KIAA1217: variants seen among roughly 807,000 people sequenced by gnomAD.
The protein encoded by KIAA1217 is sickle tail protein homolog.
A neutral mutation model predicts 163.9 loss-of-function variants in KIAA1217; 88 were observed. That is an observed-to-expected ratio of 0.54 (90% CI 0.45 to 0.64). KIAA1217 has a LOEUF of 0.64. Ranked by LOEUF, KIAA1217 falls within the 30% of genes least tolerant of loss-of-function variation. KIAA1217 has a pLI of 0.00. For missense variants in KIAA1217, 2,372 were observed against 2,475.0 expected (o/e 0.96, Z 0.88); for synonymous variants, 903 against 923.1 (o/e 0.98, Z 0.39).
chr10:24,340,677 C>T (rs2046981226), intron 2 of KIAA1217, among the ~76,000 whole-genome samples: 1 of 152,206 alleles, frequency 6.6e-6, no homozygotes, highest in Non-Finnish European at 1.5e-5. Flanking sequence ...TCCGCTGGCA[C>T]AAGCAGAGCA....
chr10:24,221,825 A>G (rs2069689634), intron 2 of KIAA1217, among the ~76,000 whole-genome samples: 1 of 152,192 alleles, frequency 6.6e-6, no homozygotes, highest in South Asian at 2.1e-4. Context: ...AGTTGAGGCC[A>G]GGAGCTTGAG....
intron 1 of KIAA1217, among the ~76,000 whole-genome samples, chr10:23,970,134 C>A (rs1456068722): frequency 6.6e-6 from 1 of 152,156 alleles, no homozygotes; most frequent in African/African-American, 2.4e-5. Flanking sequence ...GGGACACAGC[C>A]AAACCATATC....
At chr10:24,540,297 A>G (rs2074827024) in intron 17 of KIAA1217, among the ~76,000 whole-genome samples, 1 of 152,108 alleles carries the variant, frequency 6.6e-6, no homozygotes, top group Non-Finnish European at 1.5e-5. Context: ...GCAGTGGTGC[A>G]ATCTCAACTC....
At chr10:24,449,837 A>G (rs999097703) in intron 5 of KIAA1217, 3 of 771,442 alleles carry the variant, frequency 3.9e-6, no homozygotes, top group Non-Finnish European at 4.7e-6. Flanking sequence ...TTTATCTTTC[A>G]TTAACTTGTC....
chr10:24,163,237 T>C (rs2065198328), intron 2 of KIAA1217, among the ~76,000 whole-genome samples: 1 of 152,202 alleles, frequency 6.6e-6, no homozygotes. Flanking sequence ...ACTAGTAGAC[T>C]GCTAGTAAAG....
At chr10:24,484,241 A>ATATATATATTTTTTTTTTTTTTTTTTT (rs1376083298) in intron 6 of KIAA1217, among the ~76,000 whole-genome samples, 1 of 75,156 alleles carries the variant, frequency 1.3e-5, no homozygotes, top group African/African-American at 4.9e-5. Context: ...ATATATATAT[A>ATATATATATTTTTTTTTTTTTTTTTTT]TTTTTTTTTT....
intron 2 of KIAA1217, among the ~76,000 whole-genome samples, chr10:24,151,646 A>G (rs1279466231): frequency 6.6e-6 from 1 of 151,574 alleles, no homozygotes; most frequent in African/African-American, 2.4e-5. Flanking sequence ...AAGAAACAGT[A>G]TGGCCGCCTT....
chr10:24,105,326 C>A (rs1441712853), intron 2 of KIAA1217, among the ~76,000 whole-genome samples: 1 of 152,196 alleles, frequency 6.6e-6, no homozygotes, highest in Non-Finnish European at 1.5e-5. Context: ...TATAAAGACT[C>A]AGCCATCAGG....
intron 1 of KIAA1217, among the ~76,000 whole-genome samples, chr10:23,832,230 G>A (rs1795218103): frequency 6.6e-6 from 1 of 152,194 alleles, no homozygotes; most frequent in African/African-American, 2.4e-5. Flanking sequence ...TTTCTGGGAT[G>A]TCTCACAGAA....
At chr10:24,457,604 T>C (rs1211044000) in intron 5 of KIAA1217, among the ~76,000 whole-genome samples, 1 of 152,120 alleles carries the variant, frequency 6.6e-6, no homozygotes, top group Non-Finnish European at 1.5e-5. Flanking sequence ...CCTTGCTATG[T>C]TGCCCAGGCT....
intron 1 of KIAA1217, among the ~76,000 whole-genome samples, chr10:23,909,444 T>G (rs1048017321): frequency 6.6e-6 from 1 of 152,164 alleles, no homozygotes; most frequent in Admixed American, 6.5e-5. Context: ...ACGAAATTAC[T>G]CATATTCCAA....
chr10:23,975,856 A>G (rs1405993161), intron 1 of KIAA1217, among the ~76,000 whole-genome samples: 6 of 152,172 alleles, frequency 3.9e-5, no homozygotes, highest in Admixed American at 3.9e-4. Context: ...AGAAAGAGGC[A>G]GTTCCATGGC....
chr10:24,337,650 C>CTTTTCTTTT (rs1554821347), intron 2 of KIAA1217, among the ~76,000 whole-genome samples: 1 of 40,886 alleles, frequency 2.4e-5, no homozygotes, highest in Non-Finnish European at 4.4e-5. Flanking sequence ...CTTTTCTTTT[C>CTTTTCTTTT]TTTTTTTTTT....
intron 2 of KIAA1217, among the ~76,000 whole-genome samples, chr10:24,019,041 C>A (rs1847618193): frequency 6.6e-6 from 1 of 151,896 alleles, no homozygotes; most frequent in Admixed American, 6.6e-5. Context: ...CTACCAGGGG[C>A]AGGGGTTGAA....
chr10:23,986,369 G>C (rs79394243), intron 1 of KIAA1217, among the ~76,000 whole-genome samples: 2,171 of 152,240 alleles, frequency 0.014, 49 homozygotes, highest in African/African-American at 0.049. Flanking sequence ...TTTGTTCCAG[G>C]ATCCTCCAGT....
chr10:23,934,579 A>ATATATGTG (rs1554826370), intron 1 of KIAA1217, among the ~76,000 whole-genome samples: 2 of 59,794 alleles, frequency 3.3e-5, no homozygotes, highest in African/African-American at 2.9e-4. Flanking sequence ...ATATATATAT[A>ATATATGTG]TATATATATA....
chr10:24,209,595 C>T (rs2130595555), intron 1 of KIAA1217, among the ~76,000 whole-genome samples: 1 of 152,296 alleles, frequency 6.6e-6, no homozygotes, highest in East Asian at 1.9e-4. Flanking sequence ...CCCGGGGCTC[C>T]AGCCACGGGA....
At chr10:24,542,594 A>C in intron 17 of KIAA1217, 99 bp from the exon 18 acceptor site, 1 of 1,574,022 alleles carries the variant, frequency 6.4e-7, no homozygotes, top group Non-Finnish European at 8.7e-7. Context: ...CGTGGCCCGC[A>C]TGTCTTAGAA....
At chr10:24,415,141 T>G in intron 3 of KIAA1217, among the ~76,000 whole-genome samples, 1 of 137,406 alleles carries the variant, frequency 7.3e-6, no homozygotes. Flanking sequence ...TGAGATAGAG[T>G]CTTTCTGTTG....
Sources: allele counts gnomAD v4.1 joint callset (sites outside exome capture counted in the v4.1 genomes callset), GRCh38; gene constraint gnomAD v4.1.1; transcripts MANE v1.5; gene names NCBI Gene and HGNC (gene_info 2026-07-23, HGNC 2026-07-21).